Variants in LHPP observed in about 807,000 individuals in gnomAD.
LHPP encodes the protein phospholysine phosphohistidine inorganic pyrophosphate phosphatase.
Under a neutral mutation model 30.3 loss-of-function variants are expected in LHPP, and 24 were observed. That is an observed-to-expected ratio of 0.79 (90% CI 0.57 to 1.11). The LOEUF (loss-of-function observed/expected upper bound fraction) is 1.11, where lower values mean the gene tolerates loss of function less well. Ranked by LOEUF, LHPP falls within the 50% of genes most tolerant of loss-of-function variation. LHPP has a pLI of 0.00. For synonymous variants in LHPP, 150 were observed against 157.1 expected, an observed-to-expected ratio of 0.95 and a Z score of 0.34; for missense variants, 356 against 367.2, an observed-to-expected ratio of 0.97 and a Z score of 0.25.
chr10:124,556,168 C>T (rs975062459), intron 6 of LHPP, among the ~76,000 whole-genome samples: 11 of 152,134 alleles, frequency 7.2e-5, no homozygotes, highest in Admixed American at 4.6e-4. Context: ...GGTAAACCAC[C>T]GACCAGCCCA....
chr10:124,532,133 C>T (rs952804000), intron 6 of LHPP, among the ~76,000 whole-genome samples: 1 of 152,218 alleles, frequency 6.6e-6, no homozygotes, highest in African/African-American at 2.4e-5. Flanking sequence ...CACATCCTCA[C>T]CGTTCTTTGA....
intron 1 of LHPP, among the ~76,000 whole-genome samples, chr10:124,475,226 TTGTTCGCCA>T (rs1341697517): frequency 2.0e-5 from 3 of 151,778 alleles, no homozygotes; most frequent in African/African-American, 7.2e-5. Flanking sequence ...TTTCACTGTG[TTGTTCGCCA>T]TGTTGGCCAG....
chr10:124,505,322 A>G (rs1369699355), intron 5 of LHPP, among the ~76,000 whole-genome samples: 2 of 152,150 alleles, frequency 1.3e-5, no homozygotes, highest in African/African-American at 4.8e-5. Context: ...AAATGCCTGC[A>G]AGGACCTCTC....
intron 6 of LHPP, among the ~76,000 whole-genome samples, chr10:124,558,498 TCAGCCTCTC>T (rs1589863986): frequency 6.6e-6 from 1 of 152,236 alleles, no homozygotes; most frequent in East Asian, 1.9e-4. Context: ...TTGGAGCGTC[TCAGCCTCTC>T]CCAAGAGTGT....
At chr10:124,586,826 A>T (rs1263969208) in intron 6 of LHPP, among the ~76,000 whole-genome samples, 1 of 152,218 alleles carries the variant, frequency 6.6e-6, no homozygotes, top group East Asian at 1.9e-4. Context: ...CCCTGGATTA[A>T]GAGTAATTAG....
intron 5 of LHPP, among the ~76,000 whole-genome samples, chr10:124,507,920 G>A (rs1234330593): frequency 1.3e-5 from 1 of 79,836 alleles, no homozygotes; most frequent in Non-Finnish European, 2.4e-5. Context: ...ATTTCAGGTG[G>A]GGAGGGTAGG....
intron 6 of LHPP, chr10:124,613,003 C>T (rs1949221455): frequency 1.8e-6 from 1 of 543,418 alleles, no homozygotes; most frequent in African/African-American, 1.9e-5. Flanking sequence ...TGTCACTCCA[C>T]CACAAGGCTG....
At chr10:124,503,101 C>G (rs906869195) in intron 5 of LHPP, among the ~76,000 whole-genome samples, 1 of 151,520 alleles carries the variant, frequency 6.6e-6, no homozygotes, top group African/African-American at 2.4e-5. Context: ...CAGAGTTTCA[C>G]TCCTGTTGCC....
At chr10:124,489,666 A>C (rs548290420) in intron 3 of LHPP, among the ~76,000 whole-genome samples, 21 of 152,036 alleles carry the variant, frequency 1.4e-4, no homozygotes, top group Admixed American at 9.8e-4. Flanking sequence ...GTTGGCCAGG[A>C]TGGTCTCAAT....
At chr10:124,540,396 CA>C (rs1012915161) in intron 6 of LHPP, among the ~76,000 whole-genome samples, 2 of 152,220 alleles carry the variant, frequency 1.3e-5, no homozygotes, top group African/African-American at 4.8e-5. Flanking sequence ...AGGCTAGGGC[CA>C]GGGGGGCTGC....
chr10:124,504,358 G>A (rs1009580098), intron 5 of LHPP, among the ~76,000 whole-genome samples: 2 of 150,678 alleles, frequency 1.3e-5, no homozygotes, highest in African/African-American at 2.4e-5. Flanking sequence ...TTGGGAGGCC[G>A]AGGTGGGCAG....
At chr10:124,531,043 G>T (rs1009325793) in intron 6 of LHPP, among the ~76,000 whole-genome samples, 1 of 152,144 alleles carries the variant, frequency 6.6e-6, no homozygotes, top group African/African-American at 2.4e-5. Flanking sequence ...ACGCCCACCC[G>T]CCAAGCTCCC....
chr10:124,603,668 C>T (rs367758840), intron 6 of LHPP, among the ~76,000 whole-genome samples: 1 of 152,246 alleles, frequency 6.6e-6, no homozygotes, highest in Non-Finnish European at 1.5e-5. Flanking sequence ...GGAGCCTCCT[C>T]GCGGCCCTCG....
At chr10:124,569,844 G>T (rs1248309384) in intron 6 of LHPP, among the ~76,000 whole-genome samples, 4 of 152,164 alleles carry the variant, frequency 2.6e-5, no homozygotes, top group Admixed American at 1.3e-4. Flanking sequence ...CCCAGGAAAG[G>T]ACATCAAGTG....
chr10:124,572,722 A>G (rs1300695628), intron 6 of LHPP, among the ~76,000 whole-genome samples: 14 of 141,730 alleles, frequency 9.9e-5, no homozygotes, highest in African/African-American at 3.1e-4. Flanking sequence ...AGAAAGGAGG[A>G]AGGGAGGGAG....
At chr10:124,610,437 A>G (rs58582965) in intron 6 of LHPP, among the ~76,000 whole-genome samples, 29,717 of 36,092 alleles carry the variant, frequency 0.82, 11,751 homozygotes, top group Middle Eastern at 0.93. Flanking sequence ...GAGGGTGCTG[A>G]TGCAGCGGGT....
At chr10:124,602,147 A>T (rs1263878250) in intron 6 of LHPP, among the ~76,000 whole-genome samples, 2 of 152,114 alleles carry the variant, frequency 1.3e-5, no homozygotes, top group East Asian at 1.9e-4. Flanking sequence ...CCCAGGGAGG[A>T]TCTGCTGACG....
At chr10:124,607,411 G>T (rs540656608) in intron 6 of LHPP, among the ~76,000 whole-genome samples, 31 of 152,382 alleles carry the variant, frequency 2.0e-4, no homozygotes, top group African/African-American at 7.2e-4. Flanking sequence ...CACGATTTCC[G>T]CTGCGTGTGG....
At chr10:124,570,839 G>A (rs139417073) in intron 6 of LHPP, among the ~76,000 whole-genome samples, 135 of 152,328 alleles carry the variant, frequency 8.9e-4, no homozygotes, top group African/African-American at 3.0e-3. Context: ...CCACTATGTG[G>A]ATAGGCCACA....
Sources: allele counts gnomAD v4.1 joint callset (sites outside exome capture counted in the v4.1 genomes callset), GRCh38; gene constraint gnomAD v4.1.1; transcripts MANE v1.5; gene names NCBI Gene and HGNC (gene_info 2026-07-23, HGNC 2026-07-21).